Variants in CAT observed in about 807,000 individuals in gnomAD.
CAT encodes catalase.
A neutral mutation model predicts 59.0 loss-of-function variants in CAT; 43 were observed. The ratio of observed to expected loss-of-function variants is 0.73; its 90% CI spans 0.57 to 0.94. CAT has a LOEUF of 0.94. Among genes scored for constraint, CAT ranks in the 40% least tolerant of loss-of-function variants. CAT has a pLI of 0.00. For synonymous variants in CAT, 218 were observed against 230.9 expected, an observed-to-expected ratio of 0.94 and a Z score of 0.51; for missense variants, 664 against 682.9, an observed-to-expected ratio of 0.97 and a Z score of 0.31.
chr11:34,466,753 C>T (rs562832101), intron 10 of CAT, among the ~76,000 whole-genome samples: 3 of 134,246 alleles, frequency 2.2e-5, no homozygotes, highest in Non-Finnish European at 4.6e-5. Flanking sequence ...TGCACTCCAG[C>T]CTGGGCGACA....
intron 7 of CAT, 125 bp downstream of exon 7, chr11:34,456,327 C>G: frequency 1.3e-6 from 1 of 773,548 alleles, no homozygotes; most frequent in Non-Finnish European, 2.1e-6. Context: ...GGTACCACTT[C>G]AGAGTGTCCT....
At chr11:34,462,394 G>T (rs1210035543) in intron 9 of CAT, among the ~76,000 whole-genome samples, 1 of 152,002 alleles carries the variant, frequency 6.6e-6, no homozygotes, top group Non-Finnish European at 1.5e-5. Flanking sequence ...ACACCCAAAG[G>T]TCATAGCTAT....
At chr11:34,452,047 A>T in intron 3 of CAT, 30 bp from the exon 4 acceptor site, 1 of 1,613,498 alleles carries the variant, frequency 6.2e-7, no homozygotes, top group African/African-American at 1.3e-5. Flanking sequence ...GCTGTGGCTT[A>T]TGCTTCCTGT....
rs147148220 is a variant in CAT at position 34,453,840 on chromosome 11, C to A, written c.625C>A (p.His209Asn). ...LFSDRGIPDGHRHMNGYGSHT... is the reference protein window; with the variant it reads ...LFSDRGIPDGNRHMNGYGSHT... ...CAGTGATCGGGGGATTCCAGATGGACATCGCCACATGAATGGATATGGATC... is the reference window on the plus strand; with the variant it reads ...CAGTGATCGGGGGATTCCAGATGGAAATCGCCACATGAATGGATATGGATC... The change falls in exon 6 of 13, where the codon CAT becomes AAT. Residue 209 changes from histidine to asparagine, a missense_variant. Transcript: ENST00000241052. 1.2e-6 allele frequency: 2 copies of A among 1,613,230 alleles called. No homozygotes were observed. The highest frequency in any genetic ancestry group is 2.7e-5 in the African/African-American group (2 of 74,922).
At chr11:34,457,204 CTTTTTT>C (rs899442681) in intron 8 of CAT, among the ~76,000 whole-genome samples, 5 of 66,170 alleles carry the variant, frequency 7.6e-5, no homozygotes, top group East Asian at 5.6e-4. Context: ...TTTTCTTGTT[CTTTTTT>C]TTTTTTTTTT....
chr11:34,465,549 T>TTAATGAGGCTA (rs1285460522), intron 10 of CAT, among the ~76,000 whole-genome samples: 3 of 152,164 alleles, frequency 2.0e-5, no homozygotes, highest in African/African-American at 7.2e-5. Flanking sequence ...CCTGCAAAAA[T>TTAATGAGGCTA]TAATGAGGCT....
At chr11:34,456,845 A>G in intron 8 of CAT, 28 bp downstream of exon 8, 1 of 1,613,302 alleles carries the variant, frequency 6.2e-7, no homozygotes, top group Middle Eastern at 1.7e-4. Context: ...AGATGTTCTG[A>G]GGCAGGTGTC....
At chr11:34,457,286 C>T (rs1020781059) in intron 8 of CAT, among the ~76,000 whole-genome samples, 1 of 135,888 alleles carries the variant, frequency 7.4e-6, no homozygotes, top group Non-Finnish European at 1.5e-5. Context: ...GATCTCGGCT[C>T]ACTGCAACCT....
intron 8 of CAT, 151 bp downstream of exon 8, chr11:34,456,968 C>A: frequency 2.6e-6 from 2 of 770,832 alleles, no homozygotes; most frequent in Non-Finnish European, 2.2e-6. Flanking sequence ...GTGGGATTCA[C>A]TGAGGTGAAC....
chr11:34,440,952 A>G (rs1054846759), intron 1 of CAT, among the ~76,000 whole-genome samples: 1 of 152,204 alleles, frequency 6.6e-6, no homozygotes, highest in South Asian at 2.1e-4. Flanking sequence ...TTTACCTTAC[A>G]TAGTTGCCCA....
chr11:34,466,907 T>TA (rs1205950642), intron 10 of CAT, among the ~76,000 whole-genome samples: 3 of 152,040 alleles, frequency 2.0e-5, no homozygotes, highest in Non-Finnish European at 4.4e-5. Context: ...AATTAGAATT[T>TA]AATAGATGGC....
At chr11:34,455,878 CA>C in intron 6 of CAT, 132 bp from the exon 7 acceptor site, 1 of 706,616 alleles carries the variant, frequency 1.4e-6, no homozygotes, top group South Asian at 1.7e-5. Context: ...CAGATTTGAA[CA>C]ATAGAAGTAT....
chr11:34,468,053 T>C (rs1050789959), intron 10 of CAT, among the ~76,000 whole-genome samples: 3 of 152,206 alleles, frequency 2.0e-5, no homozygotes, highest in African/African-American at 7.2e-5. Context: ...AAGAGATTTA[T>C]AGCAGTTACT....
intron 8 of CAT, among the ~76,000 whole-genome samples, chr11:34,458,816 G>A (rs1180705794): frequency 1.3e-5 from 2 of 152,170 alleles, no homozygotes; most frequent in Non-Finnish European, 2.9e-5. Context: ...CTAGGCCCCC[G>A]GGAAAAGGAC....
chr11:34,451,158 T>A (rs1856520173), intron 3 of CAT, 60 bp downstream of exon 3: 3 of 996,804 alleles, frequency 3.0e-6, no homozygotes, highest in Non-Finnish European at 3.2e-6. Context: ...TTTGGGGATG[T>A]TTATAACTTA....
chr11:34,440,545 C>A (rs1308271496), intron 1 of CAT, among the ~76,000 whole-genome samples: 1 of 151,526 alleles, frequency 6.6e-6, no homozygotes, highest in Admixed American at 6.6e-5. Context: ...AAAATATTTT[C>A]TTTTTCTTTT....
chr11:34,455,512 C>T (rs1856578114), intron 6 of CAT, among the ~76,000 whole-genome samples: 1 of 145,962 alleles, frequency 6.9e-6, no homozygotes, highest in African/African-American at 2.5e-5. Context: ...ACTCTATGAG[C>T]TATGATTCTA....
At position 34,460,924 on chromosome 11, in the gene CAT, A is replaced by G. The variant is rs1856642354; in HGVS notation, c.1057-327A>G. On this transcript the variant is annotated intron_variant, in intron 8 of 12. Coordinates refer to ENST00000241052, the MANE Select transcript of CAT (RefSeq NM_001752.4). Reference sequence around the variant, plus strand: ...TTCTAGCACATTTATTTTATAATGCAATACTTCCTTGGGAATAGGAAGTAA... The same window carrying G: ...TTCTAGCACATTTATTTTATAATGCGATACTTCCTTGGGAATAGGAAGTAA... 1.0e-4 allele frequency: 38 copies of G among 362,488 alleles called. 2 individuals are homozygous for G. Among genetic ancestry groups the G allele is most frequent in the South Asian group, 9.5e-4 (36 of 38,084 alleles). The allele number at this position is 362,488 out of a possible 1,614,324, so 22.5% of individuals were successfully genotyped here. A position where few individuals can be genotyped will look rare whatever the true frequency, so the allele number is the denominator to read the frequency against.
In CAT at chr11:34,452,092, C is replaced by A; in HGVS notation, c.365C>A (p.Ser122Ter). Residue 122 changes from serine (S) to a stop codon, truncating the protein, a stop_gained, in exon 4 of 13, where the codon TCA becomes TAA. Transcript: ENST00000241052. LOFTEE classifies it high-confidence loss of function. Reference sequence around the variant, plus strand: ...AATATTGTAGCTGGAGAATCGGGTTCAGCTGACACAGTTCGGGACCCTCGT... The same window carrying A: ...AATATTGTAGCTGGAGAATCGGGTTAAGCTGACACAGTTCGGGACCCTCGT... ...RFSTVAGESGSADTVRDPRGF... is the reference protein window; with the variant it reads ...RFSTVAGESG The A allele has an allele frequency of 6.2e-7, 1 of 1,613,888 alleles. No individual in the cohort carries two copies. Among genetic ancestry groups the A allele is most frequent in the Non-Finnish European group, 8.5e-7 (1 of 1,179,832 alleles).
Sources: allele counts gnomAD v4.1 joint callset (sites outside exome capture counted in the v4.1 genomes callset), GRCh38; gene constraint gnomAD v4.1.1; transcripts MANE v1.5; gene names NCBI Gene and HGNC (gene_info 2026-07-23, HGNC 2026-07-21).